The following COL23A1 variants were observed in gnomAD, a reference collection of about 807,000 sequenced individuals.
The protein encoded by COL23A1 is collagen type XXIII alpha 1 chain.
COL23A1 carries 97 observed loss-of-function variants against 99.3 expected under a neutral mutation model. That is an observed-to-expected ratio of 0.98 (90% CI 0.83 to 1.16). The LOEUF (loss-of-function observed/expected upper bound fraction) is 1.16, where lower values mean the gene tolerates loss of function less well. COL23A1 is among the 50% of genes most tolerant of loss of function. The probability of loss-of-function intolerance (pLI) is 0.00; values close to 1 mark genes in which losing one functional copy is unlikely to be tolerated. For synonymous variants in COL23A1, 320 were observed against 308.2 expected, an observed-to-expected ratio of 1.04 and a Z score of -0.40; for missense variants, 762 against 757.4, an observed-to-expected ratio of 1.01 and a Z score of -0.07.
chr5:178,279,357 C>T (rs1209609437), intron 5 of COL23A1, among the ~76,000 whole-genome samples: 1 of 152,242 alleles, frequency 6.6e-6, no homozygotes. Flanking sequence ...GGCTCCAGTG[C>T]CCACCACAGA....
At chr5:178,325,527 A>C (rs1485082483) in intron 2 of COL23A1, among the ~76,000 whole-genome samples, 2 of 150,874 alleles carry the variant, frequency 1.3e-5, no homozygotes, top group East Asian at 1.9e-4. Context: ...CTCATCCTAC[A>C]ATACCCAGCT....
At chr5:178,326,892 G>C (rs59428358) in intron 2 of COL23A1, among the ~76,000 whole-genome samples, 6,308 of 152,196 alleles carry the variant, frequency 0.041, 142 homozygotes, top group Middle Eastern at 0.061. Flanking sequence ...GCTAATTTTC[G>C]TATTTTTAGT....
intron 2 of COL23A1, among the ~76,000 whole-genome samples, chr5:178,487,192 G>A (rs1246871430): frequency 6.6e-6 from 1 of 152,190 alleles, no homozygotes; most frequent in East Asian, 1.9e-4. Context: ...CCAGGCTGGG[G>A]CCAGGTCCAA....
intron 8 of COL23A1, among the ~76,000 whole-genome samples, chr5:178,264,777 C>A (rs898791697): frequency 1.8e-4 from 27 of 152,220 alleles, no homozygotes; most frequent in African/African-American, 5.8e-4. Context: ...CTGCCTCAGC[C>A]TCCCGAGTAG....
intron 2 of COL23A1, among the ~76,000 whole-genome samples, chr5:178,494,507 T>C (rs1581500447): frequency 6.6e-6 from 1 of 152,272 alleles, no homozygotes; most frequent in East Asian, 1.9e-4. Flanking sequence ...TGAAACCCTG[T>C]CTTTACTAAA....
At chr5:178,375,939 T>C (rs1763047995) in intron 2 of COL23A1, among the ~76,000 whole-genome samples, 1 of 152,198 alleles carries the variant, frequency 6.6e-6, no homozygotes, top group African/African-American at 2.4e-5. Context: ...ACTACTGACC[T>C]CAAGTGATCT....
At chr5:178,403,094 G>A (rs1348615466) in intron 2 of COL23A1, among the ~76,000 whole-genome samples, 2 of 97,384 alleles carry the variant, frequency 2.1e-5, no homozygotes, top group African/African-American at 3.8e-5. Flanking sequence ...GGGCAACAGA[G>A]AGAGACTCCA....
intron 2 of COL23A1, among the ~76,000 whole-genome samples, chr5:178,358,566 GTC>G (rs1761967334): frequency 6.9e-6 from 1 of 145,290 alleles, no homozygotes; most frequent in Non-Finnish European, 1.5e-5. Flanking sequence ...ACGTGTGTAT[GTC>G]TAATGTGTAT....
intron 12 of COL23A1, among the ~76,000 whole-genome samples, chr5:178,257,881 A>G (rs906073753): frequency 1.3e-5 from 2 of 152,256 alleles, no homozygotes; most frequent in Non-Finnish European, 2.9e-5. Context: ...AGGTGGGGTC[A>G]GAGGAGGCCA....
intron 2 of COL23A1, among the ~76,000 whole-genome samples, chr5:178,441,873 GC>G (rs1239779156): frequency 6.6e-6 from 1 of 152,092 alleles, no homozygotes; most frequent in Non-Finnish European, 1.5e-5. Flanking sequence ...AAACCTGTGG[GC>G]CCCAAGTCAT....
chr5:178,461,526 T>A (rs1756122691), intron 2 of COL23A1, among the ~76,000 whole-genome samples: 1 of 152,222 alleles, frequency 6.6e-6, no homozygotes, highest in Non-Finnish European at 1.5e-5. Context: ...GTACAAACCA[T>A]TTTTTAATAG....
intron 2 of COL23A1, among the ~76,000 whole-genome samples, chr5:178,494,739 A>C (rs1048026218): frequency 1.3e-5 from 2 of 152,162 alleles, no homozygotes; most frequent in Admixed American, 1.3e-4. Context: ...TCCCCGGTAC[A>C]TCCCTAACAC....
At chr5:178,367,223 C>A (rs986546764) in intron 2 of COL23A1, among the ~76,000 whole-genome samples, 22 of 152,140 alleles carry the variant, frequency 1.4e-4, no homozygotes, top group East Asian at 1.9e-4. Flanking sequence ...CCGAGTCTTC[C>A]GATGATGTCC....
chr5:178,480,944 G>C (rs1347973393), intron 2 of COL23A1, among the ~76,000 whole-genome samples: 1 of 151,996 alleles, frequency 6.6e-6, no homozygotes, highest in Non-Finnish European at 1.5e-5. Context: ...CCAGGAGTTC[G>C]AGACCAGCCT....
intron 2 of COL23A1, among the ~76,000 whole-genome samples, chr5:178,325,315 T>C (rs1759584906): frequency 8.4e-6 from 1 of 119,282 alleles, no homozygotes; most frequent in Non-Finnish European, 1.8e-5. Flanking sequence ...GGTTCCCCGC[T>C]GTCTTTGGGA....
chr5:178,540,903 G>A (rs1329143026), intron 2 of COL23A1, among the ~76,000 whole-genome samples: 1 of 152,070 alleles, frequency 6.6e-6, no homozygotes, highest in East Asian at 1.9e-4. Flanking sequence ...CTCCAGCCTA[G>A]GTGGACAGAA....
At chr5:178,262,191 G>T in intron 10 of COL23A1, 26 bp downstream of exon 10, 1 of 1,572,518 alleles carries the variant, frequency 6.4e-7, no homozygotes. Context: ...AGCAGCCCAG[G>T]CCTCTGGAAT....
chr5:178,383,000 G>A lies in COL23A1; in HGVS notation c.362-76081C>T, dbSNP rs534965875. On this transcript the variant is annotated intron_variant, in intron 2 of 28. Transcript: ENST00000390654. ...GGGGAGGTGAGAGACTCCACCTGTCGGGGCTGGCTGGGCTCCTGAAAAGCT... is the reference window on the plus strand; with the variant it reads ...GGGGAGGTGAGAGACTCCACCTGTCAGGGCTGGCTGGGCTCCTGAAAAGCT... Among the ~76,000 whole-genome samples, 11 of 152,214 alleles carry A rather than the reference G, an allele frequency of 7.2e-5. No individual in the cohort carries two copies. In the East Asian group the frequency reaches 7.7e-4, roughly 11 times the overall value.
intron 2 of COL23A1, among the ~76,000 whole-genome samples, chr5:178,520,969 G>A (rs1169827074): frequency 6.6e-6 from 1 of 152,184 alleles, no homozygotes; most frequent in Non-Finnish European, 1.5e-5. Flanking sequence ...TTTTGTCATT[G>A]TGTGAACTTC....
Sources: allele counts gnomAD v4.1 joint callset (sites outside exome capture counted in the v4.1 genomes callset), GRCh38; gene constraint gnomAD v4.1.1; transcripts MANE v1.5; gene names NCBI Gene and HGNC (gene_info 2026-07-23, HGNC 2026-07-21).